GALNT18: variants seen among roughly 807,000 people sequenced by gnomAD.
GALNT18 encodes the protein GalNAc-transferase 18.
In GALNT18, 44 loss-of-function variants were observed where a neutral mutation model predicts 69.5. That is an observed-to-expected ratio of 0.63 (90% confidence interval 0.50 to 0.81). The LOEUF (loss-of-function observed/expected upper bound fraction) is 0.81. Ranked by LOEUF, GALNT18 falls within the 40% of genes least tolerant of loss-of-function variation. The pLI is 0.00. For missense variants in GALNT18, 715 were observed against 810.0 expected, an observed-to-expected ratio of 0.88 and a Z score of 1.42; for synonymous variants, 364 against 318.2, an observed-to-expected ratio of 1.14 and a Z score of -1.53.
chr11:11,446,174 A>G (rs1469591684), intron 2 of GALNT18, among the ~76,000 whole-genome samples: 1 of 152,056 alleles, frequency 6.6e-6, no homozygotes, highest in Non-Finnish European at 1.5e-5. Flanking sequence ...AGTTTCCTCA[A>G]CTCAAACCGG....
intron 1 of GALNT18, among the ~76,000 whole-genome samples, chr11:11,455,395 GA>G (rs1373043217): frequency 6.6e-6 from 1 of 152,060 alleles, no homozygotes; most frequent in Non-Finnish European, 1.5e-5. Flanking sequence ...CTTCCTAAAG[GA>G]AAGGATGCTT....
Position 11,613,771 on chromosome 11 carries a change from T to C in GALNT18, c.235+7588A>G, listed in dbSNP as rs1859972793. 6.6e-6 allele frequency among the ~76,000 whole-genome samples: 1 copy of C among 152,202 alleles called. No homozygotes were observed. Among genetic ancestry groups the C allele is most frequent in the South Asian group, 2.1e-4 (1 of 4,830 alleles). ...ATAAACAGCATGGTCCACCATTCATTGATGGTGGCTTAGCCACCAGTGGAC... is the reference window on the plus strand; with the variant it reads ...ATAAACAGCATGGTCCACCATTCATCGATGGTGGCTTAGCCACCAGTGGAC... On this transcript the variant is annotated intron_variant, in intron 1 of 10. Coordinates refer to ENST00000227756, the MANE Select transcript of GALNT18 (RefSeq NM_198516.3). The surrounding 1 kb of genome is among the most constrained non-coding windows in gnomAD (Gnocchi z 4.2).
chr11:11,511,746 G>A lies in GALNT18; in HGVS notation c.236-62810C>T, dbSNP rs146656682. Among the ~76,000 whole-genome samples, 531 of 152,250 alleles carry A rather than the reference G, an allele frequency of 3.5e-3. 4 individuals carry two copies. The highest frequency in any genetic ancestry group is 6.2e-3 in the Non-Finnish European group (421 of 68,018). ...TTGGTGCCCTTCTAAGAAGAGGCCA[G>A]AGAGCTCTCCCAGTCTCTTTTTGCC... On this transcript the variant is annotated intron_variant, in intron 1 of 10. Coordinates refer to ENST00000227756, the MANE Select transcript of GALNT18 (RefSeq NM_198516.3). The surrounding 1 kb of genome is among the most constrained non-coding windows in gnomAD (Gnocchi z 4.9).
chr11:11,270,909 A>G lies in GALNT18; in HGVS notation c.*235T>C. 1 of 419,246 alleles carries G rather than the reference A, an allele frequency of 2.4e-6. No individual in the cohort carries two copies. The highest frequency in any genetic ancestry group is 4.3e-6 in the Non-Finnish European group (1 of 233,952). 26.0% of individuals were successfully genotyped at this position (419,246 alleles called of 1,614,324 possible). On this transcript the variant is annotated 3_prime_UTR_variant, in exon 11 of 11. Transcript: ENST00000227756. ...AATAATATTTTATTGTCAGTTATAA[A>G]TATTTTCCATCTGTCCCCTATTTAC...
intron 1 of GALNT18, among the ~76,000 whole-genome samples, chr11:11,576,875 T>C (rs77237111): frequency 0.021 from 3,158 of 152,362 alleles, 47 homozygotes; most frequent in Middle Eastern, 0.054. Context: ...GCCAGTTTCA[T>C]GGTGTGAACG....
At chr11:11,369,749 C>T (rs995438094) in intron 6 of GALNT18, among the ~76,000 whole-genome samples, 6 of 151,928 alleles carry the variant, frequency 3.9e-5, no homozygotes, top group Admixed American at 2.0e-4. Context: ...TCACTCATTT[C>T]GTTGTGCTTG....
chr11:11,557,949 C>A (rs1030763176), intron 1 of GALNT18, among the ~76,000 whole-genome samples: 3 of 152,182 alleles, frequency 2.0e-5, no homozygotes. Flanking sequence ...AATTCAGCTG[C>A]GAGTGTTTTT....
chr11:11,271,917 G>C (rs901374674), intron 10 of GALNT18, among the ~76,000 whole-genome samples: 1 of 152,162 alleles, frequency 6.6e-6, no homozygotes, highest in Non-Finnish European at 1.5e-5. Context: ...CAGCCCTATA[G>C]CAGCAAATAG....
intron 1 of GALNT18, among the ~76,000 whole-genome samples, chr11:11,451,074 G>T (rs1255444835): frequency 6.6e-6 from 1 of 152,166 alleles, no homozygotes; most frequent in Non-Finnish European, 1.5e-5. Context: ...ATATACTGAA[G>T]AATAAAATGC....
At chr11:11,384,397 G>T (rs1039952817) in intron 3 of GALNT18, among the ~76,000 whole-genome samples, 1 of 152,122 alleles carries the variant, frequency 6.6e-6, no homozygotes, top group Non-Finnish European at 1.5e-5. Context: ...TGTCTGGTGA[G>T]GGCCTTCTTG....
chr11:11,280,067 G>T (rs371197255), intron 10 of GALNT18, among the ~76,000 whole-genome samples: 1 of 152,022 alleles, frequency 6.6e-6, no homozygotes, highest in Non-Finnish European at 1.5e-5. Context: ...TGGCCCAGCC[G>T]ATCACACAAA....
intron 1 of GALNT18, among the ~76,000 whole-genome samples, chr11:11,479,525 A>G (rs6484941): frequency 0.97 from 147,220 of 152,276 alleles, 71,324 homozygotes; most frequent in East Asian, 1. Context: ...TGCTTCCCAG[A>G]TCTGGGAAGA....
Position 11,602,130 on chromosome 11 carries a change from G to C in GALNT18, c.235+19229C>G, listed in dbSNP as rs1323237305. Among the ~76,000 whole-genome samples, 1 of 152,160 alleles carries C rather than the reference G, an allele frequency of 6.6e-6. No homozygotes were observed. The highest frequency in any genetic ancestry group is 1.9e-4 in the East Asian group (1 of 5,192). ...GGCAGAATATCTATACCACTGCTCT[G>C]GAGTTGTAAGTAGGAATAGCAGCCT... is the stretch of plus-strand genomic sequence containing the variant. On this transcript the variant is annotated intron_variant, in intron 1 of 10. Coordinates refer to ENST00000227756, the MANE Select transcript of GALNT18 (RefSeq NM_198516.3). This position sits in a 1 kb window ranked among gnomAD's most constrained non-coding sequence, Gnocchi z 4.7.
At position 11,481,973 on chromosome 11, in the gene GALNT18, T is replaced by C. The variant is rs777479866; in HGVS notation, c.236-33037A>G. Among the ~76,000 whole-genome samples, 6 of 152,342 alleles carry C rather than the reference T, an allele frequency of 3.9e-5. No homozygotes were observed. The East Asian group carries it at 1.2e-3, about 29-fold the overall frequency. On this transcript the variant is annotated intron_variant, in intron 1 of 10. Transcript: ENST00000227756. ...CTACCCCATTCCACAGAATTAATCA[T>C]CCCTGTCGAAGTCCCTACATCCCTC...
At chr11:11,577,455 T>C (rs949327401) in intron 1 of GALNT18, among the ~76,000 whole-genome samples, 1 of 152,160 alleles carries the variant, frequency 6.6e-6, no homozygotes, top group East Asian at 1.9e-4. Flanking sequence ...GAGTCACCAC[T>C]GTGTGCCAGA....
chr11:11,352,144 T>C (rs1249117185), intron 6 of GALNT18: 3 of 1,612,090 alleles, frequency 1.9e-6, no homozygotes, highest in Non-Finnish European at 2.5e-6. Flanking sequence ...TTCACAACAG[T>C]GTAGAAATAG....
chr11:11,355,396 C>T (rs1259290874), intron 6 of GALNT18, among the ~76,000 whole-genome samples: 6 of 152,032 alleles, frequency 3.9e-5, no homozygotes, highest in Non-Finnish European at 8.8e-5. Flanking sequence ...GGAGATGGGG[C>T]ATTTAAGGAG....
intron 1 of GALNT18, among the ~76,000 whole-genome samples, chr11:11,520,846 G>A (rs1358278979): frequency 1.3e-5 from 2 of 152,180 alleles, no homozygotes; most frequent in African/African-American, 4.8e-5. Context: ...CCCCTCAGCA[G>A]GAGCACCCCA....
chr11:11,295,930 C>T (rs1174447028), intron 9 of GALNT18, among the ~76,000 whole-genome samples: 1 of 152,110 alleles, frequency 6.6e-6, no homozygotes, highest in Non-Finnish European at 1.5e-5. Flanking sequence ...GTGGTTTGCT[C>T]ATCAGAATCC....
Sources: allele counts gnomAD v4.1 joint callset (sites outside exome capture counted in the v4.1 genomes callset), GRCh38; gene constraint gnomAD v4.1.1; non-coding constraint Gnocchi (gnomAD v3.1); transcripts MANE v1.5; gene names NCBI Gene and HGNC (gene_info 2026-07-23, HGNC 2026-07-21).